RABGAP1L: variants seen among roughly 807,000 people sequenced by gnomAD.
RABGAP1L encodes the protein rab GTPase-activating protein 1-like.
In RABGAP1L, 63 loss-of-function variants were observed where a neutral mutation model predicts 137.7. The observed-to-expected ratio is 0.46, with a 90% CI of 0.37 to 0.56. RABGAP1L has a LOEUF of 0.56. Among genes scored for constraint, RABGAP1L ranks in the 20% least tolerant of loss-of-function variants. The pLI, the probability that RABGAP1L is intolerant of heterozygous loss-of-function variation, is 0.00. For synonymous variants in RABGAP1L, 431 were observed against 433.7 expected (o/e 0.99, Z 0.08); for missense variants, 1,095 against 1,244.0 (o/e 0.88, Z 1.80).
At chr1:174,587,647 C>A (rs1669226156) in intron 13 of RABGAP1L, among the ~76,000 whole-genome samples, 1 of 151,950 alleles carries the variant, frequency 6.6e-6, no homozygotes, top group Admixed American at 6.6e-5. Flanking sequence ...ATAATGTGAA[C>A]TTTTCTTCCC....
At chr1:174,368,672 G>T (rs1214854325) in intron 11 of RABGAP1L, among the ~76,000 whole-genome samples, 1 of 151,940 alleles carries the variant, frequency 6.6e-6, no homozygotes, top group East Asian at 1.9e-4. Flanking sequence ...TAAGATTGTG[G>T]TATATTAGTG....
chr1:174,166,267 C>T (rs905916710), intron 1 of RABGAP1L, among the ~76,000 whole-genome samples: 1 of 151,600 alleles, frequency 6.6e-6, no homozygotes, highest in African/African-American at 2.4e-5. Flanking sequence ...TCTTCATTAG[C>T]GTCAAATTGG....
chr1:174,897,054 G>C (rs933959217), intron 19 of RABGAP1L: 5 of 152,154 alleles, frequency 3.3e-5, no homozygotes, highest in African/African-American at 1.2e-4. Context: ...TCATGATATT[G>C]ATTCTTCCTA....
At chr1:174,673,695 T>G (rs985535439) in intron 14 of RABGAP1L, among the ~76,000 whole-genome samples, 5 of 152,156 alleles carry the variant, frequency 3.3e-5, no homozygotes, top group Non-Finnish European at 5.9e-5. Context: ...GGTATGGGAA[T>G]TTGGAGTAAT....
At chr1:174,834,619 C>T (rs896856314) in intron 19 of RABGAP1L, among the ~76,000 whole-genome samples, 12 of 150,926 alleles carry the variant, frequency 8.0e-5, no homozygotes, top group African/African-American at 2.9e-4. Context: ...CCCGCCGCCC[C>T]CCATTAACCT....
chr1:174,759,595 CAA>C (rs36043682), intron 18 of RABGAP1L, among the ~76,000 whole-genome samples: 16 of 101,328 alleles, frequency 1.6e-4, no homozygotes, highest in Admixed American at 1.0e-4. Flanking sequence ...ACTCTGTCTC[CAA>C]AAAAAAAAAA....
intron 19 of RABGAP1L, among the ~76,000 whole-genome samples, chr1:174,903,676 G>A (rs997731932): frequency 0.016 from 1 of 62 alleles, no homozygotes; most frequent in Non-Finnish European, 0.026. Context: ...TCATGGCTGA[G>A]TGCGGTACTA....
At chr1:174,831,263 TAAGA>T (rs1052774942) in intron 19 of RABGAP1L, among the ~76,000 whole-genome samples, 2 of 148,108 alleles carry the variant, frequency 1.4e-5, no homozygotes, top group Admixed American at 1.4e-4. Flanking sequence ...AATTAAAGAC[TAAGA>T]GAGTACTCCG....
intron 23 of RABGAP1L, 29 bp downstream of exon 23, chr1:174,978,919 A>G: frequency 2.7e-6 from 4 of 1,469,366 alleles, no homozygotes; most frequent in Non-Finnish European, 3.6e-6. Context: ...ACATAGAGCT[A>G]GTTATAGTTT....
At chr1:174,247,771 A>G (rs1420734035) in intron 5 of RABGAP1L, among the ~76,000 whole-genome samples, 3 of 152,174 alleles carry the variant, frequency 2.0e-5, no homozygotes, top group East Asian at 1.9e-4. Flanking sequence ...CATGAGCCCT[A>G]TGCAAATCAG....
intron 13 of RABGAP1L, among the ~76,000 whole-genome samples, chr1:174,538,215 A>G (rs895907181): frequency 1.1e-4 from 17 of 152,192 alleles, no homozygotes; most frequent in Non-Finnish European, 2.1e-4. Flanking sequence ...AACTATTTCC[A>G]AAGTCCAGAT....
intron 13 of RABGAP1L, among the ~76,000 whole-genome samples, chr1:174,508,442 C>G (rs1662032715): frequency 6.6e-6 from 1 of 152,094 alleles, no homozygotes; most frequent in Non-Finnish European, 1.5e-5. Context: ...TCTTATTTAT[C>G]AACCCTGTAG....
In RABGAP1L at chr1:174,978,845, A is replaced by T; in HGVS notation, c.2688A>T (p.Glu896Asp). The T allele has an allele frequency of 2.6e-6, 4 of 1,546,024 alleles. No homozygotes were observed. Among genetic ancestry groups the T allele is most frequent in the Non-Finnish European group, 3.5e-6 (4 of 1,145,488 alleles). ...TCAGGAAACAGCTAGAGAAGGCAGA[A>T]TATGAAATAAAGAAGACTACAGCTA... is the stretch of plus-strand genomic sequence containing the variant. ...EVFRKQLEKA[E>D]YEIKKTTAII... Residue 896 changes from glutamate (E) to aspartate (D), a missense_variant, in exon 23 of 26, where the codon GAA becomes GAT. Glu to Asp is a conservative substitution (Grantham distance 45). Transcript: ENST00000681986.
At chr1:174,676,533 C>T (rs190760468) in intron 14 of RABGAP1L, among the ~76,000 whole-genome samples, 5 of 152,258 alleles carry the variant, frequency 3.3e-5, no homozygotes, top group East Asian at 1.9e-4. Context: ...AATATTTTAA[C>T]GTTTGGAGTT....
intron 18 of RABGAP1L, chr1:174,800,593 GT>G: frequency 6.8e-7 from 1 of 1,472,094 alleles, no homozygotes; most frequent in Non-Finnish European, 9.1e-7. Context: ...GTTGTCTCTG[GT>G]TTTCTTCTCC....
intron 17 of RABGAP1L, among the ~76,000 whole-genome samples, chr1:174,746,664 T>C (rs1683891436): frequency 6.6e-6 from 1 of 152,232 alleles, no homozygotes; most frequent in Non-Finnish European, 1.5e-5. Context: ...ATTCACATAT[T>C]CATTGAATCA....
At chr1:174,443,361 C>T (rs1474205525) in intron 13 of RABGAP1L, among the ~76,000 whole-genome samples, 1 of 151,992 alleles carries the variant, frequency 6.6e-6, no homozygotes, top group African/African-American at 2.4e-5. Context: ...GTTCTGTTTT[C>T]TCTGCATCCT....
At chr1:174,577,938 A>C (rs2148074415) in intron 13 of RABGAP1L, among the ~76,000 whole-genome samples, 1 of 152,350 alleles carries the variant, frequency 6.6e-6, no homozygotes, top group African/African-American at 2.4e-5. Flanking sequence ...AATCTTAATT[A>C]ACCAATCACA....
At chr1:174,830,794 C>T (rs1487966043) in intron 19 of RABGAP1L, among the ~76,000 whole-genome samples, 1 of 147,844 alleles carries the variant, frequency 6.8e-6, no homozygotes, top group East Asian at 2.1e-4. Context: ...ATTTTTCAAA[C>T]AAAACAAAAA....
Sources: allele counts gnomAD v4.1 joint callset (sites outside exome capture counted in the v4.1 genomes callset), GRCh38; gene constraint gnomAD v4.1.1; transcripts MANE v1.5; gene names NCBI Gene and HGNC (gene_info 2026-07-23, HGNC 2026-07-21).